CAMK1D: variants seen among roughly 807,000 people sequenced by gnomAD.
CAMK1D encodes calcium/calmodulin dependent protein kinase ID, also known as calcium/calmodulin-dependent protein kinase type 1D.
CAMK1D carries 9 observed loss-of-function variants against 47.7 expected under a neutral mutation model. The ratio of observed to expected loss-of-function variants is 0.19; its 90% CI spans 0.11 to 0.33. The LOEUF is 0.33. Among genes scored for constraint, CAMK1D ranks in the 10% least tolerant of loss-of-function variants. The pLI is 1.00. For synonymous variants in CAMK1D, 184 were observed against 184.9 expected (o/e 0.99, Z 0.04); for missense variants, 291 against 488.7 (o/e 0.60, Z 3.81).
intron 3 of CAMK1D, among the ~76,000 whole-genome samples, chr10:12,759,007 A>G (rs1484955525): frequency 2.0e-5 from 3 of 152,266 alleles, no homozygotes; most frequent in African/African-American, 7.2e-5. Flanking sequence ...GCTCACTGGC[A>G]TGTAATGGGC....
At chr10:12,780,083 G>A (rs766180929) in intron 5 of CAMK1D, among the ~76,000 whole-genome samples, 3 of 152,056 alleles carry the variant, frequency 2.0e-5, no homozygotes, top group Non-Finnish European at 4.4e-5. Context: ...AAAAGGAGAT[G>A]GAGAACAGTT....
At chr10:12,605,274 G>C (rs1009868519) in intron 2 of CAMK1D, among the ~76,000 whole-genome samples, 5 of 151,562 alleles carry the variant, frequency 3.3e-5, no homozygotes, top group Admixed American at 2.0e-4. Flanking sequence ...CCTAGGTCAG[G>C]GCACCTCCCT....
At chr10:12,563,356 A>G (rs543853498) in intron 2 of CAMK1D, among the ~76,000 whole-genome samples, 1 of 29,252 alleles carries the variant, frequency 3.4e-5, no homozygotes, top group South Asian at 1.3e-3. Context: ...TCTGTCTCTA[A>G]AAAAAAAGGG....
chr10:12,359,238 A>G (rs897216560), intron 1 of CAMK1D, among the ~76,000 whole-genome samples: 1 of 152,172 alleles, frequency 6.6e-6, no homozygotes, highest in Non-Finnish European at 1.5e-5. Flanking sequence ...TGAAGATGAA[A>G]TGAGGGTGCA....
At chr10:12,566,813 C>G (rs2132303373) in intron 2 of CAMK1D, among the ~76,000 whole-genome samples, 1 of 152,290 alleles carries the variant, frequency 6.6e-6, no homozygotes, top group African/African-American at 2.4e-5. Context: ...GTAGGTTGGC[C>G]AGATTCCACA....
In CAMK1D at chr10:12,719,144, C is replaced by T. The variant is rs187527454; in HGVS notation, c.300-41804C>T. Among the ~76,000 whole-genome samples the T allele has an allele frequency of 2.0e-4, 30 of 152,306 alleles. 1 individual carries two copies. The East Asian group carries it at 5.8e-3, about 29-fold the overall frequency. On this transcript the variant is annotated intron_variant, in intron 3 of 10. Coordinates refer to ENST00000619168, the MANE Select transcript of CAMK1D (RefSeq NM_153498.4). The stretch of plus-strand genomic sequence containing the variant: ...TTATAGAGGCCGGGCACAGTGCTCA[C>T]ATCTGTAATCCCAGCACTTTGGGAG...
At chr10:12,424,264 A>G (rs538533688) in intron 1 of CAMK1D, among the ~76,000 whole-genome samples, 2 of 151,764 alleles carry the variant, frequency 1.3e-5, no homozygotes, top group African/African-American at 4.8e-5. Context: ...CTCCCCGACA[A>G]ATGTTCCCAC....
chr10:12,547,591 A>T (rs1474163255), intron 1 of CAMK1D, among the ~76,000 whole-genome samples: 2 of 151,052 alleles, frequency 1.3e-5, no homozygotes, highest in Non-Finnish European at 2.9e-5. Context: ...AAGTCTTTAT[A>T]GGTTTTCAGA....
At chr10:12,602,817 G>A (rs1176731310) in intron 2 of CAMK1D, among the ~76,000 whole-genome samples, 1 of 151,920 alleles carries the variant, frequency 6.6e-6, no homozygotes, top group Admixed American at 6.5e-5. Context: ...GGGAAGTTGA[G>A]GACGTCTGAG....
intron 1 of CAMK1D, among the ~76,000 whole-genome samples, chr10:12,421,348 T>C (rs981110939): frequency 6.6e-6 from 1 of 152,092 alleles, no homozygotes; most frequent in Non-Finnish European, 1.5e-5. Flanking sequence ...ACAAGCCCAG[T>C]GTGCTTTGCC....
At chr10:12,489,799 T>C (rs1438369304) in intron 1 of CAMK1D, among the ~76,000 whole-genome samples, 1 of 152,208 alleles carries the variant, frequency 6.6e-6, no homozygotes, top group East Asian at 1.9e-4. Context: ...TCACAGAAGT[T>C]TGCCTGAGGT....
At chr10:12,675,590 T>C (rs1020999985) in intron 3 of CAMK1D, among the ~76,000 whole-genome samples, 6 of 152,218 alleles carry the variant, frequency 3.9e-5, no homozygotes, top group African/African-American at 1.4e-4. Flanking sequence ...TTTCCTCGTC[T>C]CTATACCTAC....
intron 1 of CAMK1D, among the ~76,000 whole-genome samples, chr10:12,433,896 C>T (rs1341807667): frequency 1.3e-5 from 2 of 152,188 alleles, no homozygotes; most frequent in East Asian, 1.9e-4. Context: ...TTTCAGGTCC[C>T]CCAGTGCATC....
chr10:12,526,139 CCTTTT>C (rs1835613690), intron 1 of CAMK1D, among the ~76,000 whole-genome samples: 2 of 152,326 alleles, frequency 1.3e-5, no homozygotes, highest in African/African-American at 4.8e-5. Context: ...AAATTTCTTT[CCTTTT>C]CTTTTCTTTA....
intron 1 of CAMK1D, among the ~76,000 whole-genome samples, chr10:12,496,492 G>A (rs7078980): frequency 0.21 from 31,754 of 151,966 alleles, 3,378 homozygotes; most frequent in Non-Finnish European, 0.22. Flanking sequence ...CACAGAAGAA[G>A]GGGCCCAGAG....
At chr10:12,464,591 G>A (rs576119446) in intron 1 of CAMK1D, among the ~76,000 whole-genome samples, 3 of 152,132 alleles carry the variant, frequency 2.0e-5, no homozygotes, top group Middle Eastern at 3.2e-3. Context: ...CGAGGCAGGC[G>A]GATCACGAGG....
chr10:12,352,696 T>C (rs1228492982), intron 1 of CAMK1D, among the ~76,000 whole-genome samples: 1 of 151,888 alleles, frequency 6.6e-6, no homozygotes, highest in Non-Finnish European at 1.5e-5. Context: ...CTTGGAAGCA[T>C]TTCAGAGCTT....
chr10:12,541,842 T>TCTTCCGTCCTTCCTTC (rs1836193838), intron 1 of CAMK1D, among the ~76,000 whole-genome samples: 1 of 116,608 alleles, frequency 8.6e-6, no homozygotes, highest in Non-Finnish European at 1.7e-5. Flanking sequence ...CTGTGTTTTA[T>TCTTCCGTCCTTCCTTC]CTTCCTTCCT....
chr10:12,571,299 A>G (rs1301891494), intron 2 of CAMK1D, among the ~76,000 whole-genome samples: 1 of 151,724 alleles, frequency 6.6e-6, no homozygotes. Flanking sequence ...AATACAAAAA[A>G]TCAGCCGGGC....
Sources: allele counts gnomAD v4.1 joint callset (sites outside exome capture counted in the v4.1 genomes callset), GRCh38; gene constraint gnomAD v4.1.1; transcripts MANE v1.5; gene names NCBI Gene and HGNC (gene_info 2026-07-23, HGNC 2026-07-21).